The following TDRD9 variants were observed in gnomAD, a reference collection of about 807,000 sequenced individuals.
TDRD9 encodes the protein ATP-dependent RNA helicase TDRD9.
Under a neutral mutation model 172.6 loss-of-function variants are expected in TDRD9, and 124 were observed. That is an observed-to-expected ratio of 0.72 (90% confidence interval 0.62 to 0.83). The LOEUF (loss-of-function observed/expected upper bound fraction) is 0.83, where lower values mean the gene tolerates loss of function less well. Ranked by LOEUF, TDRD9 falls within the 40% of genes least tolerant of loss-of-function variation. The probability of loss-of-function intolerance (pLI) is 0.00; values close to 1 mark genes in which losing one functional copy is unlikely to be tolerated. For synonymous variants in TDRD9, 619 were observed against 617.1 expected, an observed-to-expected ratio of 1.00 and a Z score of -0.05; for missense variants, 1,479 against 1,714.1, an observed-to-expected ratio of 0.86 and a Z score of 2.42.
intron 1 of TDRD9, among the ~76,000 whole-genome samples, chr14:103,935,689 C>G (rs1187452): frequency 0.94 from 143,603 of 152,090 alleles, 68,344 homozygotes; most frequent in East Asian, 1. Context: ...TGGGGTGCTT[C>G]AGTGTTTATA....
intron 5 of TDRD9, 48 bp from the exon 6 acceptor site, chr14:103,970,493 T>A: frequency 7.3e-7 from 1 of 1,374,804 alleles, no homozygotes; most frequent in South Asian, 1.2e-5. Flanking sequence ...CAGTGTCATG[T>A]GTGTTGCCTG....
At chr14:103,964,369 A>T (rs1242501104) in intron 3 of TDRD9, among the ~76,000 whole-genome samples, 1 of 152,256 alleles carries the variant, frequency 6.6e-6, no homozygotes, top group Admixed American at 6.5e-5. Flanking sequence ...TTGCAGATTC[A>T]TTACAAAATG....
intron 2 of TDRD9, among the ~76,000 whole-genome samples, chr14:103,961,883 C>T (rs779591102): frequency 6.6e-6 from 1 of 151,904 alleles, no homozygotes; most frequent in Non-Finnish European, 1.5e-5. Flanking sequence ...TAGGAAAGGC[C>T]GAGGGTGACA....
intron 1 of TDRD9, among the ~76,000 whole-genome samples, chr14:103,951,271 C>G (rs1042531744): frequency 2.0e-5 from 3 of 152,188 alleles, no homozygotes; most frequent in Non-Finnish European, 2.9e-5. Flanking sequence ...GCCAAATAAT[C>G]CCTGATTTTC....
chr14:104,034,834 T>C, intron 31 of TDRD9, 126 bp from the exon 32 acceptor site: 1 of 653,716 alleles, frequency 1.5e-6, no homozygotes, highest in Non-Finnish European at 2.7e-6. Context: ...GGGGTGGGCC[T>C]GTGGGGACTG....
chr14:103,996,036 T>A (rs2152204874), intron 12 of TDRD9, among the ~76,000 whole-genome samples: 1 of 152,236 alleles, frequency 6.6e-6, no homozygotes, highest in South Asian at 2.1e-4. Context: ...GTCGGAAGTG[T>A]TTGGGGTGTT....
intron 5 of TDRD9, among the ~76,000 whole-genome samples, chr14:103,969,929 C>T (rs1437784143): frequency 1.3e-5 from 2 of 152,048 alleles, no homozygotes; most frequent in Admixed American, 6.6e-5. Flanking sequence ...CTGCTGTCCC[C>T]GAGTGTCAGT....
chr14:103,944,393 C>G lies in TDRD9; in HGVS notation c.216-11271C>G, dbSNP rs2031445655. Among the ~76,000 whole-genome samples the G allele has an allele frequency of 2.0e-5, 3 of 152,140 alleles. No homozygotes were observed. The South Asian group carries it at 6.2e-4, about 31-fold the overall frequency. ...TTTCATGTATCCACATAGTAATTCTCTTTTTCATGGACCAGCTCAAATACC... is the reference window on the plus strand; with the variant it reads ...TTTCATGTATCCACATAGTAATTCTGTTTTTCATGGACCAGCTCAAATACC... On this transcript the variant is annotated intron_variant, in intron 1 of 35. Coordinates refer to ENST00000409874, the MANE Select transcript of TDRD9 (RefSeq NM_153046.3).
intron 11 of TDRD9, among the ~76,000 whole-genome samples, 185 bp downstream of exon 11, chr14:103,994,788 C>G (rs1203241310): frequency 2.0e-5 from 3 of 151,934 alleles, no homozygotes; most frequent in Non-Finnish European, 4.4e-5. Flanking sequence ...AACCCCATCT[C>G]TACAAAAAAT....
chr14:104,048,365 A>G (rs1213045670), intron 34 of TDRD9, among the ~76,000 whole-genome samples: 1 of 152,084 alleles, frequency 6.6e-6, no homozygotes, highest in Non-Finnish European at 1.5e-5. Flanking sequence ...CAGTCTCCCA[A>G]GTAGGTAGGG....
At chr14:104,011,765 T>C (rs190907973) in intron 20 of TDRD9, among the ~76,000 whole-genome samples, 2 of 152,322 alleles carry the variant, frequency 1.3e-5, no homozygotes, top group African/African-American at 4.8e-5. Flanking sequence ...TCTCATTGTT[T>C]CTTGATTATA....
chr14:104,016,017 A>G lies in TDRD9; in HGVS notation c.2260A>G (p.Thr754Ala). The G allele has an allele frequency of 6.3e-7, 1 of 1,598,534 alleles. No homozygotes were observed. Among genetic ancestry groups the G allele is most frequent in the South Asian group, 1.1e-5 (1 of 88,262 alleles). Reference sequence around the variant, plus strand: ...AGGTGCTTTCTATCCAAATTACTTTACTTTTGGACAGCCGGATGAGGAGAT... The same window carrying G: ...AGGTGCTTTCTATCCAAATTACTTTGCTTTTGGACAGCCGGATGAGGAGAT... Reference protein sequence around the residue: ...LAGAFYPNYFTFGQPDEEMAV... With the variant: ...LAGAFYPNYFAFGQPDEEMAV... The change falls in exon 22 of 36, where the codon ACT (threonine) becomes GCT (alanine). Residue 754 changes from threonine (T) to alanine (A), a missense_variant. Thr to Ala is a moderately conservative substitution (Grantham distance 58, BLOSUM62 0). Around this residue, in one of 3 missense-constraint regions of TDRD9, gnomAD observed 1,413 missense variants for 1,649.1 expected, o/e 0.86. Coordinates refer to ENST00000409874, the MANE Select transcript of TDRD9 (RefSeq NM_153046.3).
chr14:103,954,423 GT>G (rs1477952855), intron 1 of TDRD9, among the ~76,000 whole-genome samples: 1 of 152,134 alleles, frequency 6.6e-6, no homozygotes, highest in Admixed American at 6.5e-5. Context: ...CAAGGACTTT[GT>G]TTTGTTTCCT....
chr14:104,031,930 A>G, intron 29 of TDRD9, 87 bp from the exon 30 acceptor site: 1 of 906,282 alleles, frequency 1.1e-6, no homozygotes, highest in East Asian at 2.8e-5. Context: ...TTTTCCTTTA[A>G]AGAATGAGCT....
chr14:103,952,220 ATTTTTTTTT>A (rs61410445), intron 1 of TDRD9, among the ~76,000 whole-genome samples: 12 of 32,314 alleles, frequency 3.7e-4, no homozygotes, highest in African/African-American at 1.1e-3. Context: ...ATATATATAT[ATTTTTTTTT>A]TTTTTTTTTT....
chr14:104,043,943 T>TCACAGCCTG (rs1039571574), intron 34 of TDRD9, among the ~76,000 whole-genome samples: 10 of 152,312 alleles, frequency 6.6e-5, no homozygotes, highest in African/African-American at 2.2e-4. Flanking sequence ...TTAAGGGTCC[T>TCACAGCCTG]CACAGCCTGT....
intron 7 of TDRD9, among the ~76,000 whole-genome samples, chr14:103,976,205 C>T (rs2033233586): frequency 6.6e-6 from 1 of 151,872 alleles, no homozygotes; most frequent in Admixed American, 6.6e-5. Flanking sequence ...GGATTTTATT[C>T]TTTTTTCATG....
chr14:103,936,531 A>G (rs2030775707), intron 1 of TDRD9, among the ~76,000 whole-genome samples: 1 of 152,190 alleles, frequency 6.6e-6, no homozygotes, highest in Non-Finnish European at 1.5e-5. Context: ...GGATTTTCCT[A>G]AGGAGTGTAT....
At position 104,027,002 on chromosome 14, in the gene TDRD9, T is replaced by A. The variant is rs1442679675; in HGVS notation, c.3282+63T>A. ...TGAGAGAGAACGGGGCAGGCTTTCCTTCCTCTGTGGACCCTGAGATAGGAG... is the reference window on the plus strand; with the variant it reads ...TGAGAGAGAACGGGGCAGGCTTTCCATCCTCTGTGGACCCTGAGATAGGAG... On this transcript the variant is annotated intron_variant, in intron 28 of 35. Coordinates refer to ENST00000409874, the MANE Select transcript of TDRD9 (RefSeq NM_153046.3). The A allele has an allele frequency of 4.4e-5, 68 of 1,556,282 alleles. 2 individuals are homozygous for A. In the East Asian group the frequency reaches 1.5e-3, roughly 35 times the overall value.
Sources: gnomAD v4.1 joint callset for allele counts (sites outside exome capture counted in the v4.1 genomes callset) on GRCh38, gnomAD v4.1.1 for gene constraint, gnomAD v4.1.1 regional missense constraint, MANE v1.5 for transcripts, NCBI Gene and HGNC (gene_info 2026-07-23, HGNC 2026-07-21) for gene names.